The following RIPOR2 variants were observed in gnomAD, a reference collection of about 807,000 sequenced individuals.
RIPOR2 encodes the protein RHO family interacting cell polarization regulator 2.
RIPOR2 carries 39 observed loss-of-function variants against 114.5 expected under a neutral mutation model. That is an observed-to-expected ratio of 0.34 (90% CI 0.26 to 0.44). The LOEUF (loss-of-function observed/expected upper bound fraction) is 0.44. RIPOR2 is among the 20% of genes least tolerant of loss of function. The pLI, the probability that RIPOR2 is intolerant of heterozygous loss-of-function variation, is 1.00. For missense variants in RIPOR2, 1,007 were observed against 1,255.1 expected, an observed-to-expected ratio of 0.80 and a Z score of 2.99; for synonymous variants, 445 against 484.4, an observed-to-expected ratio of 0.92 and a Z score of 1.07.
intron 1 of RIPOR2, chr6:24,877,439 C>T: frequency 1.4e-6 from 1 of 708,640 alleles, no homozygotes; most frequent in Non-Finnish European, 1.7e-6. Context: ...CCCATACTAG[C>T]TGGGGAGGAG....
intron 9 of RIPOR2, among the ~76,000 whole-genome samples, chr6:24,851,271 G>T (rs969971314): frequency 2.0e-5 from 3 of 152,154 alleles, no homozygotes; most frequent in Non-Finnish European, 4.4e-5. Flanking sequence ...AAAGGTCATT[G>T]CACTGTGCCC....
intron 1 of RIPOR2, among the ~76,000 whole-genome samples, chr6:25,013,414 G>A (rs1033438125): frequency 6.6e-6 from 1 of 152,178 alleles, no homozygotes; most frequent in African/African-American, 2.4e-5. Context: ...CTATAGCGGG[G>A]TGTGGACTGT....
chr6:24,933,292 T>G (rs1258244232), intron 1 of RIPOR2, among the ~76,000 whole-genome samples: 1 of 152,220 alleles, frequency 6.6e-6, no homozygotes, highest in South Asian at 2.1e-4. Flanking sequence ...ATCATAACAC[T>G]TAAGCCACAC....
At position 25,041,992 on chromosome 6, in the gene RIPOR2, GGAA is replaced by G. The variant is rs74540843; in HGVS notation, c.-69_-67del. On this transcript the variant is annotated 5_prime_UTR_variant, in exon 1 of 14. Coordinates refer to the RIPOR2 transcript ENST00000510784. The stretch of plus-strand genomic sequence containing the variant: ...AACAAAAGGGTCTTGCAGCTATCCT[GGAA>G]GTTAAGTCCAGACGTATAAAAATGA... The G allele has an allele frequency of 2.8e-3, 1,783 of 629,174 alleles. 20 individuals are homozygous for G. The highest frequency in any genetic ancestry group is 0.015 in the South Asian group (846 of 56,936). 39.0% of individuals were successfully genotyped at this position (629,174 alleles called of 1,614,324 possible).
intron 1 of RIPOR2, among the ~76,000 whole-genome samples, chr6:24,905,053 G>T (rs903337795): frequency 6.6e-6 from 1 of 152,146 alleles, no homozygotes; most frequent in African/African-American, 2.4e-5. Flanking sequence ...GGGATTACAG[G>T]TGTAAGCCAC....
intron 19 of RIPOR2, among the ~76,000 whole-genome samples, chr6:24,822,755 G>A (rs1363052526): frequency 6.6e-6 from 1 of 152,188 alleles, no homozygotes; most frequent in Non-Finnish European, 1.5e-5. Context: ...CCTGGCCTCA[G>A]GTGATCCACC....
intron 1 of RIPOR2, chr6:24,898,519 C>T (rs1455050561): frequency 6.6e-6 from 1 of 152,144 alleles, no homozygotes; most frequent in Non-Finnish European, 1.5e-5. Flanking sequence ...CTTCCTTTTT[C>T]TCTTTGTGAA....
chr6:25,017,067 C>T (rs1301528468), intron 1 of RIPOR2, among the ~76,000 whole-genome samples: 3 of 152,170 alleles, frequency 2.0e-5, no homozygotes, highest in Non-Finnish European at 2.9e-5. Context: ...GGCACCGGCA[C>T]GGTGGCTCAC....
At chr6:25,024,308 C>CT (rs1431441198) in intron 1 of RIPOR2, 1 of 1,517,680 alleles carries the variant, frequency 6.6e-7, no homozygotes, top group Non-Finnish European at 9.1e-7. Context: ...CAATGAACAC[C>CT]TTTTTGGCCC....
upstream of RIPOR2, among the ~76,000 whole-genome samples, chr6:24,939,135 C>T (rs191710742): frequency 2.0e-5 from 3 of 152,166 alleles, no homozygotes; most frequent in East Asian, 5.8e-4. Context: ...TAGTTTAAGG[C>T]CCAAGAGGTG....
chr6:24,957,206 G>A (rs1168914231), intron 1 of RIPOR2, among the ~76,000 whole-genome samples: 1 of 74,036 alleles, frequency 1.4e-5, no homozygotes, highest in African/African-American at 2.9e-5. Context: ...GGGACTCACT[G>A]TCTAAAGACG....
chr6:25,025,232 CT>C (rs1776551133), intron 1 of RIPOR2, among the ~76,000 whole-genome samples: 1 of 152,122 alleles, frequency 6.6e-6, no homozygotes, highest in Non-Finnish European at 1.5e-5. Flanking sequence ...AAAATTTGAT[CT>C]AAGATATAGT....
At chr6:25,009,385 G>A (rs938442345) in intron 1 of RIPOR2, among the ~76,000 whole-genome samples, 3 of 152,152 alleles carry the variant, frequency 2.0e-5, no homozygotes, top group East Asian at 1.9e-4. Context: ...TAATTTGGTC[G>A]ATTAAACAAG....
chr6:25,032,004 C>A (rs1777007027), intron 1 of RIPOR2, among the ~76,000 whole-genome samples: 1 of 151,452 alleles, frequency 6.6e-6, no homozygotes, highest in Admixed American at 6.6e-5. Context: ...CATACACTTG[C>A]TTTCATACTC....
chr6:24,863,534 A>T (rs188294388), intron 7 of RIPOR2, among the ~76,000 whole-genome samples: 77 of 152,366 alleles, frequency 5.1e-4, no homozygotes, highest in African/African-American at 1.7e-3. Context: ...AGAGATCTGT[A>T]GAAATGGGGT....
intron 7 of RIPOR2, among the ~76,000 whole-genome samples, chr6:24,862,293 G>A (rs1764141975): frequency 6.6e-6 from 1 of 152,218 alleles, no homozygotes; most frequent in African/African-American, 2.4e-5. Context: ...GCAGGGTGAT[G>A]TCTGCAGGCT....
At chr6:24,875,912 C>T in intron 1 of RIPOR2, 95 bp from the exon 2 acceptor site, 2 of 1,186,228 alleles carry the variant, frequency 1.7e-6, no homozygotes, top group South Asian at 1.4e-5. Flanking sequence ...GTAAAGTAAG[C>T]CATGAGACTG....
chr6:24,965,169 G>A (rs1307391469), intron 1 of RIPOR2, among the ~76,000 whole-genome samples: 4 of 151,754 alleles, frequency 2.6e-5, no homozygotes, highest in Admixed American at 2.0e-4. Flanking sequence ...TTGGGAGACA[G>A]GGTCTTGCTC....
At chr6:25,030,397 G>A (rs112134284) in intron 1 of RIPOR2, among the ~76,000 whole-genome samples, 1 of 152,120 alleles carries the variant, frequency 6.6e-6, no homozygotes, top group Non-Finnish European at 1.5e-5. Context: ...GAGAGGACCA[G>A]AGCTATGGAT....
Sources: gnomAD v4.1 joint callset for allele counts (sites outside exome capture counted in the v4.1 genomes callset) on GRCh38, gnomAD v4.1.1 for gene constraint, MANE v1.5 for transcripts, NCBI Gene and HGNC (gene_info 2026-07-23, HGNC 2026-07-21) for gene names.